The following XKR4 variants were observed in gnomAD, a reference collection of about 807,000 sequenced individuals.
The protein encoded by XKR4 is XK-related protein 4.
Under a neutral mutation model 53.9 loss-of-function variants are expected in XKR4, and 12 were observed. That is an observed-to-expected ratio of 0.22 (90% CI 0.14 to 0.36). XKR4 has a LOEUF of 0.36. Among genes scored for constraint, XKR4 ranks in the 10% least tolerant of loss-of-function variants. XKR4 has a pLI of 1.00. For synonymous variants in XKR4, 354 were observed against 362.4 expected (o/e 0.98, Z 0.26); for missense variants, 799 against 859.5 (o/e 0.93, Z 0.88).
chr8:55,140,339 G>C (rs16921242), intron 1 of XKR4: 1 of 215,978 alleles, frequency 4.6e-6, no homozygotes, highest in Admixed American at 5.9e-5. Flanking sequence ...GGGTCCATTC[G>C]TTTGTTCACA....
chr8:55,450,759 C>A, intron 2 of XKR4: 1 of 572,750 alleles, frequency 1.7e-6, no homozygotes, highest in African/African-American at 1.9e-5. Flanking sequence ...GGAACCCCTC[C>A]AGCGTTCAGT....
intron 1 of XKR4, among the ~76,000 whole-genome samples, chr8:55,192,253 T>C (rs1817452741): frequency 6.8e-6 from 1 of 146,330 alleles, no homozygotes; most frequent in Admixed American, 6.8e-5. Flanking sequence ...GTTGAAATCC[T>C]GTGCTAGCCA....
intron 1 of XKR4, among the ~76,000 whole-genome samples, chr8:55,167,898 C>A (rs1199146055): frequency 2.0e-5 from 3 of 152,164 alleles, no homozygotes; most frequent in Admixed American, 2.0e-4. Context: ...GGCAACCAGG[C>A]AAGTGTGATA....
Position 55,302,254 on chromosome 8 carries a change from T to A in XKR4, c.807-55424T>A, listed in dbSNP as rs1459916044. ...CCAGCACCATTTATTAAATAGGGAA[T>A]CCTTTCCCCATTTCTTGTTTTTGTC... On this transcript the variant is annotated intron_variant, in intron 1 of 2. Transcript: ENST00000327381. 3.9e-5 allele frequency among the ~76,000 whole-genome samples: 6 copies of A among 152,366 alleles called. No individual in the cohort carries two copies. The East Asian group carries it at 9.6e-4, about 24-fold the overall frequency.
At chr8:55,453,519 G>A in intron 2 of XKR4, 1 of 384,472 alleles carries the variant, frequency 2.6e-6, no homozygotes, top group Admixed American at 3.6e-5. Flanking sequence ...TTGACCTGCA[G>A]CCTGCTGCAC....
chr8:55,424,393 T>A (rs553795803), intron 2 of XKR4, among the ~76,000 whole-genome samples: 2 of 152,218 alleles, frequency 1.3e-5, no homozygotes, highest in African/African-American at 2.4e-5. Context: ...ATCATCTCAG[T>A]CTATTCACGC....
chr8:55,476,650 AG>A (rs1333198165), intron 2 of XKR4, among the ~76,000 whole-genome samples: 1 of 152,046 alleles, frequency 6.6e-6, no homozygotes, highest in Non-Finnish European at 1.5e-5. Context: ...AGTCAAAGAA[AG>A]GGGTGACAGA....
intron 1 of XKR4, among the ~76,000 whole-genome samples, chr8:55,311,746 T>C (rs1036144350): frequency 2.0e-5 from 3 of 151,024 alleles, no homozygotes; most frequent in African/African-American, 7.3e-5. Flanking sequence ...GATTTAAAAT[T>C]CTTTTTATTT....
chr8:55,117,960 G>A (rs1019816663), intron 1 of XKR4, among the ~76,000 whole-genome samples: 6 of 152,224 alleles, frequency 3.9e-5, no homozygotes, highest in African/African-American at 1.4e-4. Flanking sequence ...GCTATAAAAT[G>A]TTGGGTGGGA....
At chr8:55,486,109 C>T (rs971015355) in intron 2 of XKR4, among the ~76,000 whole-genome samples, 3 of 152,060 alleles carry the variant, frequency 2.0e-5, no homozygotes, top group Admixed American at 2.0e-4. Context: ...GACAGTCACA[C>T]AGGTATAAGA....
rs1162085996 is a variant in XKR4, at chr8:55,537,128, T to G, written c.*12901T>G. 6.6e-6 allele frequency: 1 copy of G among 152,252 alleles called. No individual in the cohort carries two copies. Among genetic ancestry groups the G allele is most frequent in the African/African-American group, 2.4e-5 (1 of 41,460 alleles). 9.4% of individuals were successfully genotyped at this position (152,252 alleles called of 1,614,324 possible). The stretch of plus-strand genomic sequence containing the variant: ...AAACAAAATACCATACATAGTTTTT[T>G]GGGTTTGGTTTGTTGATGTCATGCC... On this transcript the variant is annotated 3_prime_UTR_variant, in exon 3 of 3. Coordinates refer to ENST00000327381, the MANE Select transcript of XKR4 (RefSeq NM_052898.2).
chr8:55,282,389 T>C (rs898918371), intron 1 of XKR4, among the ~76,000 whole-genome samples: 1 of 152,200 alleles, frequency 6.6e-6, no homozygotes, highest in African/African-American at 2.4e-5. Context: ...AAGAGGTTCA[T>C]TTGGCTCATG....
At chr8:55,282,278 T>C (rs1818854805) in intron 1 of XKR4, among the ~76,000 whole-genome samples, 2 of 152,184 alleles carry the variant, frequency 1.3e-5, no homozygotes, top group Admixed American at 6.5e-5. Flanking sequence ...ATGGCCATCA[T>C]ATGGTCACAG....
intron 2 of XKR4, among the ~76,000 whole-genome samples, chr8:55,471,870 C>T (rs763212298): frequency 3.3e-5 from 5 of 152,110 alleles, no homozygotes; most frequent in Non-Finnish European, 7.3e-5. Flanking sequence ...CTGAGGCCTC[C>T]CCAGAAGCAG....
At chr8:55,196,773 G>A (rs1046063735) in intron 1 of XKR4, among the ~76,000 whole-genome samples, 1 of 152,132 alleles carries the variant, frequency 6.6e-6, no homozygotes. Flanking sequence ...TAGAAAGAGG[G>A]AGAGTGAATT....
intron 1 of XKR4, among the ~76,000 whole-genome samples, chr8:55,176,100 CAT>C (rs1256727947): frequency 2.6e-5 from 4 of 152,164 alleles, no homozygotes; most frequent in African/African-American, 7.2e-5. Context: ...TGAAATAAAT[CAT>C]AGATACGCAG....
intron 1 of XKR4, among the ~76,000 whole-genome samples, chr8:55,165,476 TCATGAAATA>T (rs1246678559): frequency 1.2e-4 from 19 of 152,272 alleles, no homozygotes; most frequent in Non-Finnish European, 2.2e-4. Flanking sequence ...TTGCAAAGTA[TCATGAAATA>T]TATTTCAAAA....
intron 1 of XKR4, among the ~76,000 whole-genome samples, chr8:55,240,610 C>A (rs1286010459): frequency 6.6e-6 from 1 of 152,034 alleles, no homozygotes; most frequent in African/African-American, 2.4e-5. Context: ...GGAAAATAAA[C>A]CTTATTTTCC....
At chr8:55,410,543 C>A (rs1804760776) in intron 2 of XKR4, among the ~76,000 whole-genome samples, 1 of 152,224 alleles carries the variant, frequency 6.6e-6, no homozygotes, top group Non-Finnish European at 1.5e-5. Context: ...GACACCCAGG[C>A]TAGTAACCAG....
Sources: gnomAD v4.1 joint callset for allele counts (sites outside exome capture counted in the v4.1 genomes callset) on GRCh38, gnomAD v4.1.1 for gene constraint, MANE v1.5 for transcripts, NCBI Gene and HGNC (gene_info 2026-07-23, HGNC 2026-07-21) for gene names.